PCLAF: variants seen among roughly 807,000 people sequenced by gnomAD.
PCLAF encodes the protein PCNA-associated factor.
PCLAF carries 12 observed loss-of-function variants against 15.1 expected under a neutral mutation model. The observed-to-expected ratio is 0.79, with a 90% CI of 0.51 to 1.29. PCLAF has a LOEUF of 1.29. Ranked by LOEUF, PCLAF falls within the 50% of genes most tolerant of loss-of-function variation. The pLI, the probability that PCLAF is intolerant of heterozygous loss-of-function variation, is 0.00. For synonymous variants in PCLAF, 33 were observed against 47.1 expected, an observed-to-expected ratio of 0.70 and a Z score of 1.22; for missense variants, 116 against 130.9, an observed-to-expected ratio of 0.89 and a Z score of 0.56.
intron 1 of PCLAF, 77 bp downstream of exon 1, chr15:64,381,249 C>A (rs1003390350): frequency 6.5e-7 from 1 of 1,542,244 alleles, no homozygotes; most frequent in African/African-American, 1.4e-5. Context: ...CCCAGGGGGA[C>A]CTCTGGCGTC....
In PCLAF at chr15:64,376,867, G is replaced by C; in HGVS notation, c.166C>G (p.Arg56Gly). The C allele has an allele frequency of 6.2e-7, 1 of 1,613,808 alleles. No homozygotes were observed. The highest frequency in any genetic ancestry group is 1.1e-5 in the South Asian group (1 of 91,058). The stretch of plus-strand genomic sequence containing the variant: ...CCTTTTTGCCACTTGGGAGTTGGGC[G>C]CACGCAAACGGGGTTCCCTCCTGCA... ...KYAGGNPVCVRPTPKWQKGIG... is the reference protein window; with the variant it reads ...KYAGGNPVCVGPTPKWQKGIG... Residue 56 changes from arginine (R) to glycine (G), a missense_variant, in exon 3 of 4, where the codon CGC becomes GGC. Arg to Gly is a moderately radical substitution (Grantham distance 125). Coordinates refer to ENST00000300035, the MANE Select transcript of PCLAF (RefSeq NM_014736.6).
chr15:64,381,513 C>T (rs914275010), upstream of PCLAF: 1 of 1,551,262 alleles, frequency 6.4e-7, no homozygotes, highest in South Asian at 1.2e-5. Context: ...CCCGAGCCAC[C>T]GCTCCCATTG....
chr15:64,382,919 G>A (rs913274882), upstream of PCLAF: 4 of 193,964 alleles, frequency 2.1e-5, no homozygotes, highest in Non-Finnish European at 4.4e-5. Flanking sequence ...TTGAACCCGG[G>A]AGGCGGAGGT....
chr15:64,379,447 C>T (rs1361328865), intron 2 of PCLAF, among the ~76,000 whole-genome samples: 1 of 150,774 alleles, frequency 6.6e-6, no homozygotes, highest in Non-Finnish European at 1.5e-5. Flanking sequence ...CACCACTGCA[C>T]TCAAGCCTGG....
chr15:64,367,670 C>T (rs1357200942), intron 3 of PCLAF, among the ~76,000 whole-genome samples: 1 of 151,628 alleles, frequency 6.6e-6, no homozygotes, highest in Non-Finnish European at 1.5e-5. Flanking sequence ...GCCTTAGCCT[C>T]CCAAGTAGCT....
chr15:64,373,037 G>A (rs765555799), intron 3 of PCLAF: 1 of 152,128 alleles, frequency 6.6e-6, no homozygotes, highest in Non-Finnish European at 1.5e-5. Flanking sequence ...TAAATCTAGA[G>A]CATATCAGCA....
At chr15:64,385,131 C>T (rs1472520151), upstream of PCLAF, among the ~76,000 whole-genome samples, 1 of 152,068 alleles carries the variant, frequency 6.6e-6, no homozygotes, top group East Asian at 1.9e-4. Flanking sequence ...TTCAACCAAT[C>T]CTCCCACCTC....
At chr15:64,376,961 C>A (rs1899621442) in intron 2 of PCLAF, 56 bp from the exon 3 acceptor site, 3 of 1,341,988 alleles carry the variant, frequency 2.2e-6, no homozygotes, top group South Asian at 1.4e-5. Context: ...ATCTCTATTC[C>A]TTAAACAACT....
In PCLAF at chr15:64,376,769, G is replaced by C. The variant is rs1344345484; in HGVS notation, c.264C>G (p.Ser88Arg). 6.2e-7 allele frequency: 1 copy of C among 1,613,352 alleles called. No homozygotes were observed. Among genetic ancestry groups the C allele is most frequent in the Non-Finnish European group, 8.5e-7 (1 of 1,179,634 alleles). ...TTCTCTTTGCTTTTCCTAAGCCACT[G>C]CTTCCTGCCTCTTCAGGAATCTGAT... Reference protein sequence around the residue: ...KENQIPEEAGSSGLGKAKRKA... With the variant: ...KENQIPEEAGRSGLGKAKRKA... The change falls in exon 3 of 4, where the codon AGC (serine) becomes AGG (arginine). Residue 88 changes from serine to arginine, a missense_variant. Physicochemically the swap from Ser to Arg is moderately radical, Grantham distance 110. Transcript: ENST00000300035.
rs543330113 is a variant in PCLAF at position 64,374,917 on chromosome 15, C to T, written c.290+1826G>A. ...GGAATGAGATATTCATGAAATACAA[C>T]GGATGAAACTCGGAAACTTTTTTTT... On this transcript the variant is annotated intron_variant, in intron 3 of 3. Transcript: ENST00000300035. Among the ~76,000 whole-genome samples, 66 of 150,486 alleles carry T rather than the reference C, an allele frequency of 4.4e-4. No homozygotes were observed. In the South Asian group the frequency reaches 7.2e-3, roughly 16 times the overall value.
At chr15:64,379,334 G>A (rs933544699) in intron 2 of PCLAF, among the ~76,000 whole-genome samples, 3 of 151,910 alleles carry the variant, frequency 2.0e-5, no homozygotes, top group Non-Finnish European at 4.4e-5. Context: ...AAAATTAGGC[G>A]GGCGTGTGGT....
chr15:64,383,355 GT>G (rs1277338858), upstream of PCLAF, among the ~76,000 whole-genome samples: 2 of 150,462 alleles, frequency 1.3e-5, no homozygotes, highest in East Asian at 1.9e-4. Context: ...TTGCACAGTG[GT>G]TTTTTTGTGT....
At position 64,370,829 on chromosome 15, in the gene PCLAF, G is replaced by GT. The variant is rs10607183; in HGVS notation, c.291-4755dup. On this transcript the variant is annotated intron_variant, in intron 3 of 3. Coordinates refer to ENST00000300035, the MANE Select transcript of PCLAF (RefSeq NM_014736.6). ...TGTAGCTACTCAGACTCATAAAGTT[G>GT]TTTTTTTTTTTTTTTTTTTTTTTTT... Among the ~76,000 whole-genome samples the GT allele has an allele frequency of 2.9e-3, 252 of 85,784 alleles. 6 individuals carry two copies. Among genetic ancestry groups the GT allele is most frequent in the African/African-American group, 9.5e-3 (219 of 22,940 alleles). 56.3% of individuals were successfully genotyped at this position (85,784 alleles called of 152,430 possible). A position where few individuals can be genotyped will look rare whatever the true frequency, so the allele number is the denominator to read the frequency against.
At chr15:64,373,868 G>T (rs906537956) in intron 3 of PCLAF, 5 of 1,132,566 alleles carry the variant, frequency 4.4e-6, no homozygotes, top group African/African-American at 3.2e-5. Context: ...ACTTTGTTTC[G>T]AAACAAAACA....
At chr15:64,378,754 T>G (rs1388158450) in intron 2 of PCLAF, among the ~76,000 whole-genome samples, 2 of 151,956 alleles carry the variant, frequency 1.3e-5, no homozygotes, top group African/African-American at 2.4e-5. Context: ...CCACTAAAGA[T>G]ACAAAATTTA....
At chr15:64,371,629 A>G (rs1457832519) in intron 3 of PCLAF, among the ~76,000 whole-genome samples, 1 of 151,992 alleles carries the variant, frequency 6.6e-6, no homozygotes, top group East Asian at 1.9e-4. Context: ...TTTGAGACAG[A>G]GTCTCGCTCT....
chr15:64,370,263 T>TGTG (rs1207710233), intron 3 of PCLAF, among the ~76,000 whole-genome samples: 1 of 148,570 alleles, frequency 6.7e-6, no homozygotes, highest in Non-Finnish European at 1.5e-5. Context: ...TTTTTTTTTT[T>TGTG]TGTGTAGAGA....
chr15:64,373,477 A>G, intron 3 of PCLAF: 1 of 641,332 alleles, frequency 1.6e-6, no homozygotes, highest in Non-Finnish European at 2.3e-6. Context: ...GGAGAACTGT[A>G]GCTGTTTCTT....
chr15:64,383,960 A>T (rs936143999), upstream of PCLAF, among the ~76,000 whole-genome samples: 7 of 152,040 alleles, frequency 4.6e-5, no homozygotes, highest in Non-Finnish European at 1.0e-4. Flanking sequence ...AAAAGTGCTG[A>T]TGCCTAGTAA....
Sources: gnomAD v4.1 joint callset for allele counts (sites outside exome capture counted in the v4.1 genomes callset) on GRCh38, gnomAD v4.1.1 for gene constraint, MANE v1.5 for transcripts, NCBI Gene and HGNC (gene_info 2026-07-23, HGNC 2026-07-21) for gene names.